The following ORC5 variants were observed in gnomAD, a reference collection of about 807,000 sequenced individuals.
The protein encoded by ORC5 is origin recognition complex subunit 5.
A neutral mutation model predicts 58.8 loss-of-function variants in ORC5; 39 were observed. That is an observed-to-expected ratio of 0.66 (90% CI 0.51 to 0.87). ORC5 has a LOEUF of 0.87. Among genes scored for constraint, ORC5 ranks in the 40% least tolerant of loss-of-function variants. The probability of loss-of-function intolerance (pLI) is 0.00; values close to 1 mark genes in which losing one functional copy is unlikely to be tolerated. For synonymous variants in ORC5, 218 were observed against 177.6 expected (o/e 1.23, Z -1.81); for missense variants, 493 against 506.3 (o/e 0.97, Z 0.25).
chr7:104,159,919 T>C (rs1798996132), intron 12 of ORC5, among the ~76,000 whole-genome samples: 1 of 152,222 alleles, frequency 6.6e-6, no homozygotes. Context: ...GGTAAAGTTT[T>C]ATTAAAATCC....
At chr7:104,207,808 C>G (rs1270764584) in intron 1 of ORC5, 25 bp downstream of exon 1, 16 of 1,605,032 alleles carry the variant, frequency 1.0e-5, no homozygotes, top group Admixed American at 1.7e-5. Flanking sequence ...CCTCCAGGAT[C>G]TGGAAGACAG....
intron 12 of ORC5, among the ~76,000 whole-genome samples, chr7:104,150,272 C>T (rs1315517380): frequency 1.3e-5 from 2 of 152,150 alleles, no homozygotes; most frequent in African/African-American, 4.8e-5. Flanking sequence ...TCCTATCCTG[C>T]TTGTCCTGGA....
At chr7:104,147,711 T>A (rs916464275) in intron 12 of ORC5, among the ~76,000 whole-genome samples, 8 of 152,218 alleles carry the variant, frequency 5.3e-5, no homozygotes, top group Non-Finnish European at 1.2e-4. Context: ...GCTAAAGGTT[T>A]GCTAGAAAAC....
intron 8 of ORC5, 139 bp from the exon 9 acceptor site, chr7:104,168,664 A>ATTTTTTTTTTTTTTT: frequency 4.1e-6 from 2 of 488,740 alleles, no homozygotes; most frequent in Non-Finnish European, 3.6e-6. Context: ...TGCAATAAAC[A>ATTTTTTTTTTTTTTT]TGTTTGTACC....
rs1375548818 is a variant in ORC5, at chr7:104,158,630, A to G, written c.1149+2442T>C. On this transcript the variant is annotated intron_variant, in intron 12 of 13. Coordinates refer to ENST00000297431, the MANE Select transcript of ORC5 (RefSeq NM_002553.4). Reference sequence around the variant, plus strand: ...ACAATGAACTCAAACAAATTTACAAAAAAATAAACAAACAACCCCATCAAA... The same window carrying G: ...ACAATGAACTCAAACAAATTTACAAGAAAATAAACAAACAACCCCATCAAA... Among the ~76,000 whole-genome samples the G allele has an allele frequency of 2.0e-4, 30 of 151,966 alleles. No homozygotes were observed. In the South Asian group the frequency reaches 6.2e-3, roughly 32 times the overall value.
In ORC5 at chr7:104,181,435, T is replaced by C. The variant is rs1045178702; in HGVS notation, c.824+2508A>G. 2.0e-5 allele frequency among the ~76,000 whole-genome samples: 3 copies of C among 152,092 alleles called. No homozygotes were observed. The East Asian group carries it at 5.8e-4, about 29-fold the overall frequency. ...AATTTGCTCTCTCTTTATAACAGGA[T>C]ATAATTGGAAACACTGGTTATATTA... On this transcript the variant is annotated intron_variant, in intron 8 of 13. Coordinates refer to ENST00000297431, the MANE Select transcript of ORC5 (RefSeq NM_002553.4).
At position 104,204,173 on chromosome 7, in the gene ORC5, T is replaced by C. The variant is rs763543160; in HGVS notation, c.134A>G (p.Tyr45Cys). 1.3e-6 allele frequency: 2 copies of C among 1,596,892 alleles called. No homozygotes were observed. Among genetic ancestry groups the C allele is most frequent in the Non-Finnish European group, 1.7e-6 (2 of 1,170,006 alleles). ...IYGHTASGKT[Y>C]VTQTLLKTLE... is the part of the protein sequence containing the mutation. ...AGTTTTCAACAACGTTTGTGTTACA[T>C]AGGTCTTTCCACTAGCAGTATGTCC... The change falls in exon 2 of 14, where the codon TAT becomes TGT. Residue 45 changes from tyrosine (Y) to cysteine (C), a missense_variant. Tyr to Cys is a radical substitution (Grantham distance 194). Coordinates refer to ENST00000297431, the MANE Select transcript of ORC5 (RefSeq NM_002553.4).
At chr7:104,166,015 G>A (rs1458411540) in intron 10 of ORC5, among the ~76,000 whole-genome samples, 4 of 150,798 alleles carry the variant, frequency 2.7e-5, no homozygotes, top group Non-Finnish European at 4.4e-5. Flanking sequence ...GCCTGGGTGA[G>A]AGTGACACTC....
Position 104,126,831 on chromosome 7 carries a change from G to A in ORC5, c.*17C>T. On this transcript the variant is annotated 3_prime_UTR_variant, in exon 14 of 14. Transcript: ENST00000297431. ...TTAGTCATTGTCACAGTGTCCATAT[G>A]GCTTTGAAGCTTGTTTTCACAAGAA... is the stretch of plus-strand genomic sequence containing the variant. The A allele has an allele frequency of 6.3e-7, 1 of 1,593,742 alleles. No homozygotes were observed.
At chr7:104,154,115 CTTT>C (rs1000723518) in intron 12 of ORC5, among the ~76,000 whole-genome samples, 2 of 151,878 alleles carry the variant, frequency 1.3e-5, no homozygotes, top group African/African-American at 4.8e-5. Context: ...AGCCATGTAA[CTTT>C]TTAAGAAAAG....
chr7:104,178,593 T>C (rs1799370177), intron 8 of ORC5, among the ~76,000 whole-genome samples: 1 of 152,200 alleles, frequency 6.6e-6, no homozygotes, highest in Non-Finnish European at 1.5e-5. Context: ...TTCTGGCTTT[T>C]GTTGCAATTG....
At chr7:104,205,086 C>CTTTTATTT (rs1800043954) in intron 1 of ORC5, among the ~76,000 whole-genome samples, 1 of 99,426 alleles carries the variant, frequency 1.0e-5, no homozygotes, top group Non-Finnish European at 1.9e-5. Context: ...TAATAATACT[C>CTTTTATTT]TTTTTTTTTT....
Position 104,166,876 on chromosome 7 carries a change from C to T in ORC5, c.886G>A (p.Ala296Thr), listed in dbSNP as rs368464771. 2.5e-6 allele frequency: 4 copies of T among 1,582,862 alleles called. No individual in the cohort carries two copies. Among genetic ancestry groups the T allele is most frequent in the Non-Finnish European group, 1.7e-6 (2 of 1,153,950 alleles). Residue 296 changes from alanine (A) to threonine (T), a missense_variant, in exon 10 of 14, where the codon GCG becomes ACG. Ala to Thr is a moderately conservative substitution (Grantham distance 58). Coordinates refer to ENST00000297431, the MANE Select transcript of ORC5 (RefSeq NM_002553.4). ...TATGGAAGTTCCACATGAGTATGCG[C>T]TGAGAGGCCTATATAACAAAACACT... ...TDPGQLKGLS[A>T]HTHVELPYYS...
chr7:104,205,183 G>A (rs937201415), intron 1 of ORC5, among the ~76,000 whole-genome samples: 3 of 137,900 alleles, frequency 2.2e-5, no homozygotes, highest in Non-Finnish European at 3.0e-5. Flanking sequence ...TCTGCCTCCC[G>A]GGTTTAAGCG....
At chr7:104,205,869 C>T (rs1468766983) in intron 1 of ORC5, among the ~76,000 whole-genome samples, 20 of 152,152 alleles carry the variant, frequency 1.3e-4, no homozygotes, top group Non-Finnish European at 1.2e-4. Flanking sequence ...AATAGCCAGG[C>T]TTGGAGGCAA....
At chr7:104,188,092 T>A (rs777284201) in intron 6 of ORC5, 159 bp downstream of exon 6, 26 of 943,230 alleles carry the variant, frequency 2.8e-5, no homozygotes, top group Non-Finnish European at 3.7e-5. Context: ...TGTTAGTCTC[T>A]AGAGGCCATA....
intron 5 of ORC5, 28 bp downstream of exon 5, chr7:104,195,115 T>C (rs755838977): frequency 3.4e-6 from 4 of 1,187,194 alleles, no homozygotes; most frequent in Non-Finnish European, 4.8e-6. Flanking sequence ...CTGCATATCA[T>C]TTGCCAAAAC....
intron 8 of ORC5, among the ~76,000 whole-genome samples, chr7:104,182,229 C>T (rs1328202350): frequency 1.3e-5 from 2 of 152,262 alleles, no homozygotes; most frequent in East Asian, 1.9e-4. Context: ...GAAGGGTCAA[C>T]AAACCACTAA....
At chr7:104,172,048 A>G (rs931048924) in intron 8 of ORC5, among the ~76,000 whole-genome samples, 4 of 152,032 alleles carry the variant, frequency 2.6e-5, no homozygotes, top group African/African-American at 9.7e-5. Flanking sequence ...TTTTCCTTTC[A>G]GTCTTTGTTT....
Sources: allele counts gnomAD v4.1 joint callset (sites outside exome capture counted in the v4.1 genomes callset), GRCh38; gene constraint gnomAD v4.1.1; transcripts MANE v1.5; gene names NCBI Gene and HGNC (gene_info 2026-07-23, HGNC 2026-07-21).